Variants in CLCN4 observed in about 807,000 individuals in gnomAD.
CLCN4 encodes H(+)/Cl(-) exchange transporter 4.
A neutral mutation model predicts 41.7 loss-of-function variants in CLCN4; 1 was observed. The observed-to-expected ratio is 0.02, with a 90% CI of 0.01 to 0.11. The LOEUF is 0.11. CLCN4 is among the 10% of genes least tolerant of loss of function. CLCN4 has a pLI of 1.00. For synonymous variants in CLCN4, 277 were observed against 285.8 expected (o/e 0.97, Z 0.31); for missense variants, 287 against 661.0 (o/e 0.43, Z 6.20).
At chrX:10,201,033 C>T (rs1297762935) in intron 6 of CLCN4, among the ~76,000 whole-genome samples, 1 of 111,880 alleles carries the variant, frequency 8.9e-6, no homozygotes, top group Non-Finnish European at 1.9e-5. Flanking sequence ...GATACATAGA[C>T]ATGGATGAAA....
intron 2 of CLCN4, among the ~76,000 whole-genome samples, chrX:10,179,720 A>G (rs746929112): frequency 3.6e-5 from 4 of 111,972 alleles, no homozygotes; most frequent in African/African-American, 1.3e-4. Flanking sequence ...GTTTTCATGA[A>G]ACATGATTTT....
intron 12 of CLCN4, among the ~76,000 whole-genome samples, chrX:10,227,307 G>T (rs1251104197): frequency 9.0e-6 from 1 of 111,062 alleles, no homozygotes; most frequent in African/African-American, 3.3e-5. Context: ...AAAACCACAT[G>T]GTTATCTCAA....
chrX:10,197,841 A>G, intron 5 of CLCN4, 98 bp from the exon 6 acceptor site: 1 of 1,078,165 alleles, frequency 9.3e-7, no homozygotes, highest in African/African-American at 1.8e-5. Flanking sequence ...CAATCCCGTC[A>G]AAGCTTTTGT....
intron 2 of CLCN4, among the ~76,000 whole-genome samples, chrX:10,177,336 A>C (rs916003451): frequency 8.9e-6 from 1 of 112,201 alleles, no homozygotes; most frequent in African/African-American, 3.2e-5. Context: ...TTCACAGAAA[A>C]AGTTTGGTGG....
intron 11 of CLCN4, among the ~76,000 whole-genome samples, chrX:10,217,508 G>A (rs2147186105): frequency 8.9e-6 from 1 of 111,778 alleles, no homozygotes; most frequent in East Asian, 2.8e-4. Context: ...TGTCCCCTGA[G>A]GGTGGAGGCA....
chrX:10,187,300 A>C (rs1923837960), intron 3 of CLCN4, among the ~76,000 whole-genome samples: 1 of 111,977 alleles, frequency 8.9e-6, no homozygotes, highest in South Asian at 3.7e-4. Context: ...AATTCTTTGG[A>C]GACTTTTGTG....
At chrX:10,222,396 T>C (rs989736643) in intron 12 of CLCN4, among the ~76,000 whole-genome samples, 3 of 111,625 alleles carry the variant, frequency 2.7e-5, no homozygotes, top group African/African-American at 9.8e-5. Flanking sequence ...CTGGAGACAT[T>C]GGTACCTAAT....
intron 6 of CLCN4, among the ~76,000 whole-genome samples, chrX:10,205,758 T>C (rs5979277): frequency 0.066 from 7,076 of 108,030 alleles, 550 homozygotes; most frequent in African/African-American, 0.21. Context: ...CAGGTGCATG[T>C]CATCATGCCA....
chrX:10,198,155 TCTA>T, intron 6 of CLCN4, 94 bp downstream of exon 6: 1 of 857,602 alleles, frequency 1.2e-6, no homozygotes, highest in Non-Finnish European at 1.6e-6. Flanking sequence ...GCGTTTTACT[TCTA>T]CTAACTCATT....
intron 2 of CLCN4, among the ~76,000 whole-genome samples, chrX:10,176,999 C>T (rs1923549570): frequency 8.9e-6 from 1 of 112,605 alleles, no homozygotes; most frequent in Non-Finnish European, 1.9e-5. Flanking sequence ...ATTCCTCAGT[C>T]AAATACTGTG....
At position 10,208,509 on chromosome X, in the gene CLCN4, C is replaced by T. The variant is rs201204885; in HGVS notation, c.1308C>T (p.Val436=). 12 of 1,209,037 alleles carry T rather than the reference C, an allele frequency of 9.9e-6. No homozygotes were observed. The highest frequency in any genetic ancestry group is 8.9e-5 in the East Asian group (3 of 33,717). Residue 436 remains valine (V), a synonymous_variant, in exon 9 of 13, where the codon GTC becomes GTT. Coordinates refer to ENST00000380833, the MANE Select transcript of CLCN4 (RefSeq NM_001830.4). ...ACATTCCAGACCGGCCGGCTGGTGT[C>T]GGTGTTTACACGGCCATGTGGCAGC... The part of the protein sequence containing the change: ...VDDIPDRPAG[V]GVYTAMWQLA...
At position 10,208,450 on chromosome X, in the gene CLCN4, A is replaced by G; in HGVS notation, c.1249A>G (p.Ile417Val). 1 of 1,211,631 alleles carries G rather than the reference A, an allele frequency of 8.3e-7. No homozygotes were observed. ...TGAGTCTTCCCAGCTCTGTGACTAC[A>G]TCAATGACCCCAACATGACTCGGCC... ...ALESSQLCDYINDPNMTRPVD... is the reference protein window; with the variant it reads ...ALESSQLCDYVNDPNMTRPVD... Residue 417 changes from isoleucine to valine, a missense_variant, in exon 9 of 13, where the codon ATC becomes GTC. Ile to Val is a conservative substitution (Grantham distance 29). Transcript: ENST00000380833.
intron 4 of CLCN4, among the ~76,000 whole-genome samples, chrX:10,189,371 G>A (rs930120110): frequency 9.0e-6 from 1 of 111,262 alleles, no homozygotes; most frequent in Non-Finnish European, 1.9e-5. Context: ...GCTCTTTCAC[G>A]AGGGGGAATT....
intron 12 of CLCN4, among the ~76,000 whole-genome samples, chrX:10,224,340 G>C (rs867137061): frequency 1.0e-5 from 1 of 100,459 alleles, no homozygotes; most frequent in Admixed American, 1.1e-4. Flanking sequence ...GTGTATGTGA[G>C]TGTGTGTGTG....
At position 10,185,065 on chromosome X, in the gene CLCN4, A is replaced by C; in HGVS notation, c.33A>C (p.Gly11=). Residue 11 remains glycine, a synonymous_variant, in exon 3 of 13, where the codon GGA becomes GGC. Coordinates refer to ENST00000380833, the MANE Select transcript of CLCN4 (RefSeq NM_001830.4). MVNAGAMSGS[G]NLMDFLDEPF... Reference sequence around the variant, plus strand: ...ATGCGGGAGCGATGAGTGGCTCTGGAAACCTGATGGATTTCCTCGATGAGC... The same window carrying C: ...ATGCGGGAGCGATGAGTGGCTCTGGCAACCTGATGGATTTCCTCGATGAGC... The C allele has an allele frequency of 8.3e-7, 1 of 1,209,804 alleles. No individual in the cohort carries two copies. The highest frequency in any genetic ancestry group is 1.1e-6 in the Non-Finnish European group (1 of 894,217).
chrX:10,212,673 AG>A lies in CLCN4; in HGVS notation c.1576+23del, dbSNP rs778022533. 38 of 919,126 alleles carry A rather than the reference AG, an allele frequency of 4.1e-5. No individual in the cohort carries two copies. The highest frequency in any genetic ancestry group is 5.3e-5 in the Non-Finnish European group (35 of 664,332). The allele number at this position is 919,126 out of a possible 1,213,427, so 75.7% of individuals were successfully genotyped here. On this transcript the variant is annotated intron_variant, in intron 10 of 12. Transcript: ENST00000380833. The stretch of plus-strand genomic sequence containing the variant: ...GCCTCGGTACGACCATGGGTGGGGC[AG>A]GGAGGGGGACCGGGGAACTAATCTG...
intron 11 of CLCN4, among the ~76,000 whole-genome samples, chrX:10,219,424 G>A (rs905043221): frequency 8.9e-6 from 1 of 112,142 alleles, no homozygotes; most frequent in Non-Finnish European, 1.9e-5. Flanking sequence ...AGTATATATC[G>A]AACAGTCTAC....
intron 8 of CLCN4, among the ~76,000 whole-genome samples, chrX:10,207,537 A>G (rs1010731968): frequency 1.4e-4 from 16 of 112,046 alleles, no homozygotes; most frequent in Non-Finnish European, 2.1e-4. Flanking sequence ...GGGCACTGAA[A>G]TTTGAATTTT....
chrX:10,210,726 G>C (rs1245378740), intron 9 of CLCN4, among the ~76,000 whole-genome samples: 1 of 100,605 alleles, frequency 9.9e-6, no homozygotes, highest in Non-Finnish European at 2.0e-5. Context: ...CACAATCATG[G>C]GTCACTGCAG....
Sources: allele counts gnomAD v4.1 joint callset (sites outside exome capture counted in the v4.1 genomes callset), GRCh38; gene constraint gnomAD v4.1.1; transcripts MANE v1.5; gene names NCBI Gene and HGNC (gene_info 2026-07-23, HGNC 2026-07-21).